The following ANKS1B variants were observed in gnomAD, a reference collection of about 807,000 sequenced individuals.
The protein encoded by ANKS1B is ankyrin repeat and sterile alpha motif domain-containing protein 1B.
A neutral mutation model predicts 148.3 loss-of-function variants in ANKS1B; 36 were observed. The ratio of observed to expected loss-of-function variants is 0.24; its 90% confidence interval spans 0.19 to 0.32. ANKS1B has a LOEUF of 0.32. Ranked by LOEUF, ANKS1B falls within the 10% of genes least tolerant of loss-of-function variation. The probability of loss-of-function intolerance (pLI) is 1.00; values close to 1 mark genes in which losing one functional copy is unlikely to be tolerated. For synonymous variants in ANKS1B, 542 were observed against 560.8 expected, an observed-to-expected ratio of 0.97 and a Z score of 0.47; for missense variants, 1,157 against 1,542.6, an observed-to-expected ratio of 0.75 and a Z score of 4.19.
At chr12:99,895,396 T>G (rs1030043974) in intron 1 of ANKS1B, among the ~76,000 whole-genome samples, 4 of 149,242 alleles carry the variant, frequency 2.7e-5, no homozygotes, top group Non-Finnish European at 6.0e-5. Flanking sequence ...ATGAACCAAT[T>G]CCTTAAAATC....
intron 15 of ANKS1B, among the ~76,000 whole-genome samples, chr12:99,119,392 C>T (rs1357403289): frequency 2.0e-5 from 3 of 152,166 alleles, no homozygotes; most frequent in African/African-American, 7.2e-5. Flanking sequence ...ATTTTGAATT[C>T]CTGTTCTCCA....
At chr12:99,885,710 T>C (rs931717594) in intron 1 of ANKS1B, among the ~76,000 whole-genome samples, 1 of 152,138 alleles carries the variant, frequency 6.6e-6, no homozygotes, top group African/African-American at 2.4e-5. Context: ...CCGAGCAGTG[T>C]CCATTGTATC....
intron 1 of ANKS1B, among the ~76,000 whole-genome samples, chr12:99,969,282 A>C (rs994075865): frequency 6.6e-6 from 1 of 152,054 alleles, no homozygotes; most frequent in African/African-American, 2.4e-5. Flanking sequence ...GGGCTCAAGC[A>C]ATGCTTCTAC....
chr12:98,736,403 T>C (rs1475653951), intron 9 of ANKS1B, among the ~76,000 whole-genome samples: 1 of 152,200 alleles, frequency 6.6e-6, no homozygotes, highest in Admixed American at 6.5e-5. Flanking sequence ...TGCAAGGTTT[T>C]AGCCTGAGCA....
At chr12:99,326,744 G>T (rs933579681) in intron 12 of ANKS1B, among the ~76,000 whole-genome samples, 1 of 150,848 alleles carries the variant, frequency 6.6e-6, no homozygotes, top group South Asian at 2.1e-4. Flanking sequence ...AAGTCCCCTT[G>T]TTTAAAGAAA....
intron 8 of ANKS1B, among the ~76,000 whole-genome samples, chr12:99,707,435 G>A (rs1002576484): frequency 6.6e-6 from 1 of 152,042 alleles, no homozygotes; most frequent in Non-Finnish European, 1.5e-5. Context: ...CAGTATTTTA[G>A]AGGGAAAAGT....
At chr12:99,420,261 C>T (rs2095042776) in intron 11 of ANKS1B, among the ~76,000 whole-genome samples, 1 of 152,116 alleles carries the variant, frequency 6.6e-6, no homozygotes, top group African/African-American at 2.4e-5. Context: ...ACTTTTTTAG[C>T]TTAATGATAG....
chr12:99,812,072 G>A lies in ANKS1B; in HGVS notation c.372+83C>T, dbSNP rs1304021588. The stretch of plus-strand genomic sequence containing the variant: ...TGGAAAGGCCTTTGGGCAAGGTAAA[G>A]ATAAAAAAATCACATTTTCAATATG... On this transcript the variant is annotated intron_variant, in intron 3 of 26. Transcript: ENST00000683438. The A allele has an allele frequency of 3.4e-6, 5 of 1,483,576 alleles. No homozygotes were observed. In the Admixed American group the frequency reaches 1.1e-4, roughly 32 times the overall value. 91.9% of individuals were successfully genotyped at this position (1,483,576 alleles called of 1,614,324 possible).
intron 4 of ANKS1B, among the ~76,000 whole-genome samples, chr12:99,795,025 GA>G (rs2066081104): frequency 6.6e-6 from 1 of 151,354 alleles, no homozygotes; most frequent in South Asian, 2.1e-4. Flanking sequence ...AATAAGCAAA[GA>G]AGGTAAAAAA....
intron 9 of ANKS1B, among the ~76,000 whole-genome samples, chr12:99,533,496 G>A (rs957228622): frequency 2.0e-5 from 3 of 152,056 alleles, no homozygotes; most frequent in African/African-American, 7.3e-5. Context: ...AGATAGTTTG[G>A]CTTCCTCTTT....
chr12:99,077,723 A>G (rs907449139), intron 16 of ANKS1B, among the ~76,000 whole-genome samples: 1 of 152,220 alleles, frequency 6.6e-6, no homozygotes, highest in Non-Finnish European at 1.5e-5. Context: ...TCTCTTGAAG[A>G]TGCTAGTTCT....
At chr12:98,788,602 T>C (rs763580332) in intron 22 of ANKS1B, among the ~76,000 whole-genome samples, 1 of 152,164 alleles carries the variant, frequency 6.6e-6, no homozygotes, top group Non-Finnish European at 1.5e-5. Context: ...CTCCTGCATA[T>C]GACATGGCCA....
intron 12 of ANKS1B, among the ~76,000 whole-genome samples, chr12:99,274,447 T>G (rs972554814): frequency 1.3e-5 from 2 of 152,210 alleles, no homozygotes; most frequent in African/African-American, 4.8e-5. Context: ...TCCATGTTAT[T>G]GCAACCAACA....
intron 8 of ANKS1B, among the ~76,000 whole-genome samples, chr12:99,677,448 T>C (rs551707643): frequency 6.6e-6 from 1 of 152,332 alleles, no homozygotes; most frequent in Admixed American, 6.5e-5. Flanking sequence ...GAAAGGGATG[T>C]GATTATTTAA....
chr12:99,394,517 A>G (rs1377505057), intron 12 of ANKS1B, among the ~76,000 whole-genome samples: 1 of 152,032 alleles, frequency 6.6e-6, no homozygotes, highest in East Asian at 2.0e-4. Flanking sequence ...TGTCAAGGTC[A>G]GCAGTGACCC....
chr12:99,917,792 T>C (rs976076968), intron 1 of ANKS1B, among the ~76,000 whole-genome samples: 4 of 152,174 alleles, frequency 2.6e-5, no homozygotes, highest in Non-Finnish European at 4.4e-5. Flanking sequence ...GTCTAAAGGA[T>C]TGGTGCCCCA....
chr12:98,786,790 C>T (rs2098799107), intron 22 of ANKS1B, among the ~76,000 whole-genome samples: 1 of 152,174 alleles, frequency 6.6e-6, no homozygotes, highest in Non-Finnish European at 1.5e-5. Flanking sequence ...CCATCATCAG[C>T]ACAGACAGGG....
intron 17 of ANKS1B, among the ~76,000 whole-genome samples, chr12:99,037,867 A>C (rs1257597414): frequency 2.6e-5 from 4 of 152,260 alleles, no homozygotes; most frequent in Non-Finnish European, 2.9e-5. Flanking sequence ...CTATATCTAC[A>C]CAAGGATGCT....
At chr12:99,736,116 T>C (rs529766370) in intron 8 of ANKS1B, among the ~76,000 whole-genome samples, 1 of 152,098 alleles carries the variant, frequency 6.6e-6, no homozygotes, top group East Asian at 1.9e-4. Flanking sequence ...TATCTCAGCA[T>C]AATAAAGGCC....
Sources: gnomAD v4.1 joint callset for allele counts (sites outside exome capture counted in the v4.1 genomes callset) on GRCh38, gnomAD v4.1.1 for gene constraint, MANE v1.5 for transcripts, NCBI Gene and HGNC (gene_info 2026-07-23, HGNC 2026-07-21) for gene names.